Variants in TTC27 observed in about 807,000 individuals in gnomAD.
The protein encoded by TTC27 is tetratricopeptide repeat protein 27.
A neutral mutation model predicts 115.9 loss-of-function variants in TTC27; 79 were observed. That is an observed-to-expected ratio of 0.68 (90% confidence interval 0.57 to 0.82). The LOEUF (loss-of-function observed/expected upper bound fraction) is 0.82, where lower values mean the gene tolerates loss of function less well. Among genes scored for constraint, TTC27 ranks in the 40% least tolerant of loss-of-function variants. The pLI, the probability that TTC27 is intolerant of heterozygous loss-of-function variation, is 0.00. For missense variants in TTC27, 1,054 were observed against 993.1 expected, an observed-to-expected ratio of 1.06 and a Z score of -0.82; for synonymous variants, 401 against 356.0, an observed-to-expected ratio of 1.13 and a Z score of -1.42.
At chr2:32,664,872 G>T (rs540582806) in intron 6 of TTC27, among the ~76,000 whole-genome samples, 1 of 147,646 alleles carries the variant, frequency 6.8e-6, no homozygotes, top group African/African-American at 2.5e-5. Flanking sequence ...TCGCTCTGTC[G>T]CCCAGGCTGG....
intron 12 of TTC27, among the ~76,000 whole-genome samples, chr2:32,754,233 G>A (rs1287958973): frequency 6.6e-6 from 1 of 151,376 alleles, no homozygotes; most frequent in Non-Finnish European, 1.5e-5. Flanking sequence ...CGGAGGGAAG[G>A]TCAGCAGATA....
At chr2:32,778,913 G>C (rs1670083338) in intron 14 of TTC27, among the ~76,000 whole-genome samples, 1 of 152,136 alleles carries the variant, frequency 6.6e-6, no homozygotes, top group Non-Finnish European at 1.5e-5. Flanking sequence ...TTGAGGATCT[G>C]CCAGACTGTT....
At chr2:32,753,194 G>T (rs1201833673) in intron 12 of TTC27, among the ~76,000 whole-genome samples, 1 of 151,982 alleles carries the variant, frequency 6.6e-6, no homozygotes, top group Non-Finnish European at 1.5e-5. Flanking sequence ...ATGACTACAG[G>T]GAGTAGGACT....
chr2:32,812,762 A>T, intron 18 of TTC27, 147 bp downstream of exon 18: 1 of 614,206 alleles, frequency 1.6e-6, no homozygotes, highest in Non-Finnish European at 2.9e-6. Flanking sequence ...TTCAGCAAAC[A>T]TTCATAGACC....
chr2:32,799,129 G>A (rs1670835045), intron 16 of TTC27, among the ~76,000 whole-genome samples: 1 of 152,114 alleles, frequency 6.6e-6, no homozygotes, highest in South Asian at 2.1e-4. Context: ...AAGTAAACCA[G>A]TCACAAAAAA....
At chr2:32,820,738 A>G in intron 19 of TTC27, 78 bp from the exon 20 acceptor site, 1 of 1,340,214 alleles carries the variant, frequency 7.5e-7, no homozygotes, top group South Asian at 1.9e-5. Context: ...AGGTTTTTTA[A>G]CTCTATACTC....
At chr2:32,637,218 G>A (rs1176112507) in intron 3 of TTC27, among the ~76,000 whole-genome samples, 1 of 152,062 alleles carries the variant, frequency 6.6e-6, no homozygotes, top group Non-Finnish European at 1.5e-5. Context: ...TAAATTACTT[G>A]TTTGTTCTTT....
chr2:32,753,168 G>A (rs1304573859), intron 12 of TTC27, among the ~76,000 whole-genome samples: 1 of 152,012 alleles, frequency 6.6e-6, no homozygotes, highest in Non-Finnish European at 1.5e-5. Context: ...ATTAGCTTGG[G>A]CTTCTTCACA....
intron 16 of TTC27, among the ~76,000 whole-genome samples, chr2:32,803,614 G>A (rs1048026476): frequency 2.0e-5 from 3 of 152,078 alleles, no homozygotes; most frequent in African/African-American, 4.8e-5. Context: ...TTGATGTTGT[G>A]CAAGGTTAGG....
At chr2:32,733,490 G>C (rs114235403) in intron 10 of TTC27, among the ~76,000 whole-genome samples, 4 of 152,060 alleles carry the variant, frequency 2.6e-5, no homozygotes, top group Non-Finnish European at 5.9e-5. Flanking sequence ...TGGTCAAAGT[G>C]GCATTATGTT....
chr2:32,676,122 T>C (rs1381654817), intron 8 of TTC27, among the ~76,000 whole-genome samples: 1 of 152,016 alleles, frequency 6.6e-6, no homozygotes, highest in Non-Finnish European at 1.5e-5. Flanking sequence ...CATTGTAGAT[T>C]GGTACAACAG....
chr2:32,770,150 T>G (rs1395225758), intron 13 of TTC27, among the ~76,000 whole-genome samples: 1 of 152,292 alleles, frequency 6.6e-6, no homozygotes, highest in East Asian at 1.9e-4. Flanking sequence ...ACTATCAGTT[T>G]TGGTGGTTTA....
intron 13 of TTC27, among the ~76,000 whole-genome samples, chr2:32,771,270 G>A (rs887309376): frequency 2.0e-5 from 3 of 152,174 alleles, no homozygotes; most frequent in Admixed American, 6.5e-5. Flanking sequence ...CCCATAGTAA[G>A]TTCGCAATAA....
chr2:32,663,459 G>A (rs997424011), intron 5 of TTC27, among the ~76,000 whole-genome samples: 11 of 152,096 alleles, frequency 7.2e-5, no homozygotes, highest in South Asian at 2.1e-4. Flanking sequence ...CCGGGTGATC[G>A]CCTCGCCCTG....
chr2:32,666,121 G>C (rs1019274135), intron 6 of TTC27, among the ~76,000 whole-genome samples: 33 of 152,076 alleles, frequency 2.2e-4, no homozygotes, highest in Middle Eastern at 3.2e-3. Flanking sequence ...TTTGAAAACA[G>C]CTATTCTGCA....
At chr2:32,659,346 G>A (rs941375425) in intron 5 of TTC27, among the ~76,000 whole-genome samples, 13 of 134,350 alleles carry the variant, frequency 9.7e-5, no homozygotes, top group African/African-American at 3.5e-4. Flanking sequence ...CAGATTTTTG[G>A]TGTTACCTCT....
chr2:32,784,631 T>A (rs1283526300), intron 15 of TTC27, among the ~76,000 whole-genome samples: 1 of 152,198 alleles, frequency 6.6e-6, no homozygotes, highest in Non-Finnish European at 1.5e-5. Flanking sequence ...GGGGTTTTGA[T>A]AAGTGAATCC....
rs779547700 is a variant in TTC27, at chr2:32,692,036, G to GTTTTTTTTTTTTTTTTTTTTTTTTT, written c.1120-10769_1120-10745dup. Among the ~76,000 whole-genome samples the GTTTTTTTTTTTTTTTTTTTTTTTTT allele has an allele frequency of 8.0e-4, 49 of 61,208 alleles. 9 individuals carry two copies. Among genetic ancestry groups the GTTTTTTTTTTTTTTTTTTTTTTTTT allele is most frequent in the Non-Finnish European group, 1.1e-3 (38 of 34,580 alleles). 40.2% of individuals were successfully genotyped at this position (61,208 alleles called of 152,430 possible). Reference sequence around the variant, plus strand: ...GGGATATTCTTTTTTAATTTTTTAGGTTTTTTTTTTTTTTTTTTTTTTTTT... The same window carrying GTTTTTTTTTTTTTTTTTTTTTTTTT: ...GGGATATTCTTTTTTAATTTTTTAGGTTTTTTTTTTTTTTTTTTTTTTTTTTTTTTTTTTTTTTTTTTTTTTTTTT... On this transcript the variant is annotated intron_variant, in intron 9 of 19. Transcript: ENST00000317907.
chr2:32,650,231 A>G lies in TTC27; in HGVS notation c.638A>G (p.Gln213Arg), dbSNP rs1362899476. 2.5e-6 allele frequency: 4 copies of G among 1,612,942 alleles called. No homozygotes were observed. In the South Asian group the frequency reaches 4.4e-5, roughly 18 times the overall value. Residue 213 changes from glutamine to arginine, a missense_variant and splice_region_variant, in exon 5 of 20, where the codon CAA becomes CGA. Transcript: ENST00000317907. The part of the protein sequence containing the change: ...LFTLAENCID[Q>R]VMKLQNLFVD... ...ACTCTTGCCGAAAACTGTATTGATCAAGGTATGTAGCAGATTTTTGTTTGA... is the reference window on the plus strand; with the variant it reads ...ACTCTTGCCGAAAACTGTATTGATCGAGGTATGTAGCAGATTTTTGTTTGA...
Sources: gnomAD v4.1 joint callset for allele counts (sites outside exome capture counted in the v4.1 genomes callset) on GRCh38, gnomAD v4.1.1 for gene constraint, MANE v1.5 for transcripts, NCBI Gene and HGNC (gene_info 2026-07-23, HGNC 2026-07-21) for gene names.